FBLN2: variants seen among roughly 807,000 people sequenced by gnomAD.
The protein encoded by FBLN2 is fibulin-2.
A neutral mutation model predicts 123.7 loss-of-function variants in FBLN2; 81 were observed. The observed-to-expected ratio is 0.65, with a 90% confidence interval of 0.55 to 0.79. FBLN2 has a LOEUF of 0.79. Ranked by LOEUF, FBLN2 falls within the 30% of genes least tolerant of loss-of-function variation. The pLI is 0.00. For synonymous variants in FBLN2, 699 were observed against 701.4 expected (o/e 1.00, Z 0.05); for missense variants, 1,603 against 1,681.3 (o/e 0.95, Z 0.81).
At chr3:13,554,389 C>T (rs889044319) in intron 1 of FBLN2, among the ~76,000 whole-genome samples, 3 of 152,226 alleles carry the variant, frequency 2.0e-5, no homozygotes, top group African/African-American at 7.2e-5. Context: ...GCCCTGAATT[C>T]CCAGCCCCAA....
chr3:13,630,322 G>A (rs947418906), intron 14 of FBLN2, among the ~76,000 whole-genome samples: 1 of 152,252 alleles, frequency 6.6e-6, no homozygotes, highest in Non-Finnish European at 1.5e-5. Context: ...TCCCATGTGT[G>A]TTCATGGTGC....
At chr3:13,568,432 C>T (rs1703813780) in intron 1 of FBLN2, among the ~76,000 whole-genome samples, 1 of 152,236 alleles carries the variant, frequency 6.6e-6, no homozygotes, top group African/African-American at 2.4e-5. Flanking sequence ...CTGCTGGCTC[C>T]CGTGTCTCAG....
intron 2 of FBLN2, among the ~76,000 whole-genome samples, chr3:13,577,153 G>A (rs960863067): frequency 2.6e-5 from 4 of 151,368 alleles, no homozygotes; most frequent in Admixed American, 2.0e-4. Context: ...AACCCGGGAG[G>A]CAGAGGTTGC....
chr3:13,570,273 T>C, intron 1 of FBLN2, 42 bp from the exon 2 acceptor site: 2 of 1,445,556 alleles, frequency 1.4e-6, no homozygotes, highest in Non-Finnish European at 1.8e-6. Flanking sequence ...TGTCTGTGTG[T>C]GCACACCCAG....
At chr3:13,632,255 C>T (rs556111404) in intron 16 of FBLN2, among the ~76,000 whole-genome samples, 1 of 152,346 alleles carries the variant, frequency 6.6e-6, no homozygotes, top group South Asian at 2.1e-4. Flanking sequence ...GCCTCTTGGC[C>T]TCTCGCTCCC....
intron 5 of FBLN2, among the ~76,000 whole-genome samples, chr3:13,617,578 C>CCCATCCATCCATCCAT (rs57191985): frequency 1.7e-5 from 2 of 119,392 alleles, no homozygotes; most frequent in Non-Finnish European, 3.3e-5. Context: ...AACCCATCCA[C>CCCATCCATCCATCCAT]CCATCCATCC....
Position 13,637,677 on chromosome 3 carries a change from C to T in FBLN2, c.3454C>T (p.Arg1152Cys), listed in dbSNP as rs376742630. The change falls in exon 18 of 18, where the codon CGC becomes TGC. Residue 1152 changes from arginine (R) to cysteine (C), a missense_variant. Physicochemically the swap from Arg to Cys is radical, Grantham distance 180. Transcript: ENST00000404922. The stretch of plus-strand genomic sequence containing the variant: ...CCTCCTGGTGCCTGCGCATATCTTC[C>T]GCATTGGCCCCGCGCCAGCCTTCAC... Reference protein sequence around the residue: ...TGLLVPAHIFRIGPAPAFTGD... With the variant: ...TGLLVPAHIFCIGPAPAFTGD... 6.2e-7 allele frequency: 1 copy of T among 1,613,960 alleles called. No homozygotes were observed. The highest frequency in any genetic ancestry group is 8.5e-7 in the Non-Finnish European group (1 of 1,179,860).
intron 9 of FBLN2, among the ~76,000 whole-genome samples, chr3:13,625,837 C>T (rs1706017424): frequency 6.6e-6 from 1 of 151,532 alleles, no homozygotes; most frequent in Middle Eastern, 3.4e-3. Flanking sequence ...ATGGCTCCCT[C>T]CATTCCTCCT....
chr3:13,588,770 A>G (rs984912390), intron 2 of FBLN2, among the ~76,000 whole-genome samples: 2 of 152,262 alleles, frequency 1.3e-5, no homozygotes, highest in Non-Finnish European at 1.5e-5. Flanking sequence ...TTATGTTTCT[A>G]AAAAGGTATG....
chr3:13,608,931 C>T (rs1053812623), intron 3 of FBLN2, among the ~76,000 whole-genome samples: 2 of 152,240 alleles, frequency 1.3e-5, no homozygotes, highest in Non-Finnish European at 2.9e-5. Flanking sequence ...AGCCATTCTA[C>T]CAATATGGGG....
Position 13,638,007 on chromosome 3 carries a change from A to C in FBLN2, c.*88A>C. The C allele has an allele frequency of 8.1e-7, 1 of 1,227,520 alleles. No individual in the cohort carries two copies. The highest frequency in any genetic ancestry group is 1.1e-6 in the Non-Finnish European group (1 of 872,484). 76.0% of individuals were successfully genotyped at this position (1,227,520 alleles called of 1,614,324 possible). On this transcript the variant is annotated 3_prime_UTR_variant, in exon 18 of 18. Coordinates refer to ENST00000404922, the MANE Select transcript of FBLN2 (RefSeq NM_001004019.2). ...CTGGGTCACTATTGTGGTTTTTACT[A>C]TAACTTTGTAAATTAACTTAATTTT...
chr3:13,604,413 A>G (rs1705138264), intron 2 of FBLN2, among the ~76,000 whole-genome samples: 1 of 152,050 alleles, frequency 6.6e-6, no homozygotes, highest in Non-Finnish European at 1.5e-5. Flanking sequence ...TTTTTGTGTA[A>G]GGTGTAAGGA....
At chr3:13,626,133 T>C (rs1022696207) in intron 9 of FBLN2, among the ~76,000 whole-genome samples, 1 of 151,948 alleles carries the variant, frequency 6.6e-6, no homozygotes, top group African/African-American at 2.4e-5. Flanking sequence ...CCACCTCCAT[T>C]TATGTTTGTT....
At position 13,568,689 on chromosome 3, in the gene FBLN2, C is replaced by T. The variant is rs900060392; in HGVS notation, c.-41-1626C>T. ...CCTCAGAGAAGCCCTCCTCTTCCGC[C>T]GGACTGACACGGGCTCCCCTGACAC... On this transcript the variant is annotated intron_variant, in intron 1 of 17. Transcript: ENST00000404922. The T allele has an allele frequency of 2.5e-5, 21 of 844,004 alleles. No homozygotes were observed. The East Asian group carries it at 1.0e-3, about 40-fold the overall frequency. 52.3% of individuals were successfully genotyped at this position (844,004 alleles called of 1,614,324 possible).
chr3:13,633,057 A>G (rs997565919), intron 16 of FBLN2, among the ~76,000 whole-genome samples: 4 of 152,220 alleles, frequency 2.6e-5, no homozygotes, highest in African/African-American at 9.7e-5. Flanking sequence ...GAGTTTCAGG[A>G]TGCAAACCTG....
rs371294714 is a variant in FBLN2, at chr3:13,570,550, C to A, written c.195C>A (p.Cys65Ter). The stretch of plus-strand genomic sequence containing the variant: ...CGTGTGTGCAGCAGGGCTGCGCCTG[C>A]GAGGGCTACCAGTACTATGACTGCC... ...CATCVQQGCA[C>*]EGYQYYDCLQ... The change falls in exon 2 of 18, where the codon TGC becomes TGA. Residue 65 changes from cysteine to a stop codon, truncating the protein, a stop_gained. Coordinates refer to ENST00000404922, the MANE Select transcript of FBLN2 (RefSeq NM_001004019.2). LOFTEE classifies it high-confidence loss of function. 6.3e-7 allele frequency: 1 copy of A among 1,590,190 alleles called. No homozygotes were observed. The highest frequency in any genetic ancestry group is 8.5e-7 in the Non-Finnish European group (1 of 1,169,890).
intron 16 of FBLN2, among the ~76,000 whole-genome samples, chr3:13,633,627 C>G (rs976904627): frequency 6.6e-6 from 1 of 152,214 alleles, no homozygotes; most frequent in African/African-American, 2.4e-5. Context: ...TGAGGTCTCT[C>G]GGCTCAAACA....
chr3:13,562,607 G>A (rs565116885), intron 1 of FBLN2, among the ~76,000 whole-genome samples: 1 of 152,216 alleles, frequency 6.6e-6, no homozygotes, highest in East Asian at 1.9e-4. Flanking sequence ...CACCCGCCTT[G>A]GCCTCCCAAA....
intron 4 of FBLN2, 50 bp downstream of exon 4, chr3:13,609,692 G>GCGGGT: frequency 2.0e-6 from 1 of 508,394 alleles, no homozygotes; most frequent in Non-Finnish European, 3.8e-6. Context: ...GGCGGGGCGG[G>GCGGGT]AGGCTGGCCT....
Sources: gnomAD v4.1 joint callset for allele counts (sites outside exome capture counted in the v4.1 genomes callset) on GRCh38, gnomAD v4.1.1 for gene constraint, MANE v1.5 for transcripts, NCBI Gene and HGNC (gene_info 2026-07-23, HGNC 2026-07-21) for gene names.